The following TRIM7 variants were observed in gnomAD, a reference collection of about 807,000 sequenced individuals.
TRIM7 encodes the protein E3 ubiquitin-protein ligase TRIM7.
In TRIM7, 32 loss-of-function variants were observed where a neutral mutation model predicts 37.9. That is an observed-to-expected ratio of 0.84 (90% CI 0.64 to 1.13). The LOEUF (loss-of-function observed/expected upper bound fraction) is 1.13. TRIM7 is among the 50% of genes most tolerant of loss of function. TRIM7 has a pLI of 0.00. For synonymous variants in TRIM7, 351 were observed against 321.3 expected (o/e 1.09, Z -0.99); for missense variants, 732 against 714.0 (o/e 1.03, Z -0.29).
chr5:181,199,234 G>A (rs974480172), intron 3 of TRIM7, 117 bp from the exon 4 acceptor site: 19 of 1,216,890 alleles, frequency 1.6e-5, no homozygotes, highest in Middle Eastern at 1.9e-4. Context: ...AGTGTGCCAC[G>A]CCTCACTGCC....
chr5:181,195,609 G>C lies in TRIM7; in HGVS notation c.1093C>G (p.Arg365Gly). 1 of 1,582,556 alleles carries C rather than the reference G, an allele frequency of 6.3e-7. No homozygotes were observed. ...AGGTCCTGGGCCCGCTCGCCGAGGC[G>C]CACGCCCTTAAGATCCAGAGAGAGG... ...LILSLDLKGV[R>G]LGERAQDLPN... Residue 365 changes from arginine (R) to glycine (G), a missense_variant, in exon 7 of 7, where the codon CGC becomes GGC. Coordinates refer to ENST00000274773, the MANE Select transcript of TRIM7 (RefSeq NM_203293.3).
Position 181,195,645 on chromosome 5 carries a change from G to T in TRIM7, c.1057C>A (p.Pro353Thr). 3 of 1,533,788 alleles carry T rather than the reference G, an allele frequency of 2.0e-6. No individual in the cohort carries two copies. The highest frequency in any genetic ancestry group is 2.6e-6 in the Non-Finnish European group (3 of 1,137,562). The change falls in exon 7 of 7, where the codon CCG (proline) becomes ACG (threonine). Residue 353 changes from proline to threonine, a missense_variant. Physicochemically the swap from Pro to Thr is conservative, Grantham distance 38. Transcript: ENST00000274773. ...AGATCCAGAGAGAGGATGAGGCGCG[G>T]GTTGGCCGTGTCGGGATCCAAGGTG... ...ELTLDPDTAN[P>T]RLILSLDLKG...
chr5:181,198,805 C>A lies in TRIM7; in HGVS notation c.873G>T (p.Arg291Ser), dbSNP rs749941645. Residue 291 changes from arginine (R) to serine (S), a missense_variant and splice_region_variant, in exon 5 of 7, where the codon AGG becomes AGT. Transcript: ENST00000274773. Reference sequence around the variant, plus strand: ...GCTTGGGGCCAGGCACATTGCTACACCTGCAGGACAAGGGCTCTGAGAAGG... The same window carrying A: ...GCTTGGGGCCAGGCACATTGCTACAACTGCAGGACAAGGGCTCTGAGAAGG... Reference protein sequence around the residue: ...FLQEFKSTLSRCSNVPGPKPT... With the variant: ...FLQEFKSTLSSCSNVPGPKPT... 16 of 1,609,348 alleles carry A rather than the reference C, an allele frequency of 9.9e-6. No individual in the cohort carries two copies. In the Admixed American group the frequency reaches 2.5e-4, roughly 25 times the overall value.
chr5:181,198,340 G>T, intron 5 of TRIM7, 122 bp from the exon 6 acceptor site: 1 of 1,051,082 alleles, frequency 9.5e-7, no homozygotes, highest in South Asian at 1.4e-5. Context: ...GGCCAAGAGT[G>T]AACGTGCAGG....
In TRIM7 at chr5:181,200,028, C is replaced by T. The variant is rs775701997; in HGVS notation, c.672G>A (p.Arg224=). The change falls in exon 3 of 7, where the codon AGG becomes AGA. Residue 224 remains arginine (R), a synonymous_variant. Transcript: ENST00000274773. ...EKVGAEFQAL[R]AFLVEQEGRL... is the part of the protein sequence containing the mutation. ...GACCCTCCTGCTCCACCAGGAAAGC[C>T]CTCAGTGCCTGGAACTCTGCCCCCA... is the stretch of plus-strand genomic sequence containing the variant. 4 of 1,614,262 alleles carry T rather than the reference C, an allele frequency of 2.5e-6. No individual in the cohort carries two copies. In the South Asian group the frequency reaches 4.4e-5, roughly 18 times the overall value.
In TRIM7 at chr5:181,203,575, G is replaced by C. The variant is rs376477185; in HGVS notation, c.588C>G (p.Ser196=). The change falls in exon 2 of 7, where the codon TCC becomes TCG. Residue 196 remains serine (S), a synonymous_variant. Transcript: ENST00000274773. ...GCTCCTTGCTCTCCTTCTTTTCCGT[G>C]GACCGGAACACCTCACAGTCCTCCA... ...KELEDCEVFR[S]TEKKESKELL... is the part of the protein sequence containing the mutation. The C allele has an allele frequency of 5.0e-6, 8 of 1,613,948 alleles. No homozygotes were observed. In the African/African-American group the frequency reaches 9.3e-5, roughly 19 times the overall value.
chr5:181,202,387 C>T (rs1757543857), intron 2 of TRIM7: 1 of 151,892 alleles, frequency 6.6e-6, no homozygotes, highest in East Asian at 1.9e-4. Flanking sequence ...CCATGTTGGT[C>T]AGGCTGGTCT....
chr5:181,204,473 AG>A lies in TRIM7; in HGVS notation c.522+115del, dbSNP rs1757697920. The A allele has an allele frequency of 4.2e-6, 5 of 1,192,238 alleles. No homozygotes were observed. In the South Asian group the frequency reaches 1.2e-4, roughly 30 times the overall value. 73.9% of individuals were successfully genotyped at this position (1,192,238 alleles called of 1,614,324 possible). On this transcript the variant is annotated intron_variant, in intron 1 of 6. Coordinates refer to ENST00000274773, the MANE Select transcript of TRIM7 (RefSeq NM_203293.3). Reference sequence around the variant, plus strand: ...GCTTCCTGGAATGGAGAAAGAAGGGAGGGGCTCACCCGGGCCTCCTGATCGA... The same window carrying A: ...GCTTCCTGGAATGGAGAAAGAAGGGAGGGCTCACCCGGGCCTCCTGATCGA...
chr5:181,204,370 C>A, intron 1 of TRIM7: 1 of 1,222,954 alleles, frequency 8.2e-7, no homozygotes, highest in Non-Finnish European at 1.0e-6. Context: ...CAGAGGGAAA[C>A]GCAGTGGGGG....
rs1334651364 is a variant in TRIM7 at position 181,204,690 on chromosome 5, A to G, written c.421T>C (p.Cys141Arg). The G allele has an allele frequency of 6.6e-7, 1 of 1,507,926 alleles. No individual in the cohort carries two copies. The highest frequency in any genetic ancestry group is 8.8e-7 in the Non-Finnish European group (1 of 1,138,916). The allele number at this position is 1,507,926 out of a possible 1,614,324, so 93.4% of individuals were successfully genotyped here. A position where few individuals can be genotyped will look rare whatever the true frequency, so the allele number is the denominator to read the frequency against. The change falls in exon 1 of 7, where the codon TGC (cysteine) becomes CGC (arginine). Residue 141 changes from cysteine (C) to arginine (R), a missense_variant. By Grantham distance (180) the Cys-to-Arg change is radical. Transcript: ENST00000274773. ...CAGATGGCGCGTCCGTCGTCCTGGC[A>G]GTAGAGCTTGAAGGGTTCGCCATGC... ...GQHGEPFKLY[C>R]QDDGRAICVV...
At position 181,200,088 on chromosome 5, in the gene TRIM7, C is replaced by T. The variant is rs1561648639; in HGVS notation, c.619-7G>A. The stretch of plus-strand genomic sequence containing the variant: ...GCTCCGCTGCCATCTGTTTCTGTCC[C>T]AGGAGGAGAAGTTGGAGAGGGACTT... On this transcript the variant is annotated splice_polypyrimidine_tract_variant and splice_region_variant and intron_variant, in intron 2 of 6. Coordinates refer to ENST00000274773, the MANE Select transcript of TRIM7 (RefSeq NM_203293.3). The T allele has an allele frequency of 6.2e-7, 1 of 1,614,264 alleles. No homozygotes were observed. The highest frequency in any genetic ancestry group is 2.2e-5 in the East Asian group (1 of 44,890).
At chr5:181,200,729 C>T (rs181129342) in intron 2 of TRIM7, 9 of 987,886 alleles carry the variant, frequency 9.1e-6, no homozygotes, top group Middle Eastern at 5.2e-4. Flanking sequence ...ATTTTTTACT[C>T]GAGTTTTCAG....
At chr5:181,199,477 C>T (rs1757341605) in intron 3 of TRIM7, 2 of 481,732 alleles carry the variant, frequency 4.2e-6, no homozygotes, top group Non-Finnish European at 7.4e-6. Flanking sequence ...GCTCACTCAG[C>T]CCCATAATGA....
intron 1 of TRIM7, chr5:181,203,918 C>T (rs1408983680): frequency 2.2e-5 from 26 of 1,181,224 alleles, no homozygotes; most frequent in African/African-American, 3.1e-5. Context: ...GCCCCCCCAC[C>T]AGGAAGCCCC....
At position 181,195,274 on chromosome 5, in the gene TRIM7, A is replaced by G. The variant is rs756649947; in HGVS notation, c.1428T>C (p.Ala476=). 7 of 1,609,442 alleles carry G rather than the reference A, an allele frequency of 4.3e-6. No individual in the cohort carries two copies. Among genetic ancestry groups the G allele is most frequent in the African/African-American group, 1.3e-5 (1 of 74,930 alleles). The change falls in exon 7 of 7, where the codon GCT becomes GCC. Residue 476 remains alanine, a synonymous_variant. Coordinates refer to ENST00000274773, the MANE Select transcript of TRIM7 (RefSeq NM_203293.3). Reference sequence around the variant, plus strand: ...TGTAGAGGTGGCGCATGTCCTCCACAGCGTAGAAGGACACGGCTCCCACCT... The same window carrying G: ...TGTAGAGGTGGCGCATGTCCTCCACGGCGTAGAAGGACACGGCTCCCACCT... ...DLEVGAVSFY[A]VEDMRHLYTF... is the part of the protein sequence containing the mutation.
rs776297811 is a variant in TRIM7, at chr5:181,198,799, G to C, written c.879C>G (p.Ser293Arg). ...QEFKSTLSRC[S>R]NVPGPKPTTV... ...TGGTTGGCTTGGGGCCAGGCACATTGCTACACCTGCAGGACAAGGGCTCTG... is the reference window on the plus strand; with the variant it reads ...TGGTTGGCTTGGGGCCAGGCACATTCCTACACCTGCAGGACAAGGGCTCTG... The change falls in exon 5 of 7, where the codon AGC (serine) becomes AGG (arginine). Residue 293 changes from serine to arginine, a missense_variant. By Grantham distance (110) the Ser-to-Arg change is moderately radical. Transcript: ENST00000274773. The C allele has an allele frequency of 6.2e-7, 1 of 1,611,380 alleles. No homozygotes were observed. Among genetic ancestry groups the C allele is most frequent in the Non-Finnish European group, 8.5e-7 (1 of 1,177,996 alleles).
intron 3 of TRIM7, 48 bp downstream of exon 3, chr5:181,199,803 T>G: frequency 1.9e-6 from 3 of 1,561,580 alleles, no homozygotes; most frequent in Non-Finnish European, 2.6e-6. Flanking sequence ...CTGCTGGTCC[T>G]GATGCCTTAG....
In TRIM7 at chr5:181,204,768, C is replaced by A; in HGVS notation, c.343G>T (p.Glu115Ter). ...RFSLPAAAPG[E>*]HGSQAAAARA... ...GCCGCGGCCGCCTGAGACCCGTGCT[C>A]TCCCGGGGCAGCCGCGGGCAGGCTG... The change falls in exon 1 of 7, where the codon GAG becomes TAG. Residue 115 changes from glutamate (E) to a stop codon, truncating the protein, a stop_gained. Coordinates refer to ENST00000274773, the MANE Select transcript of TRIM7 (RefSeq NM_203293.3). LOFTEE classifies it high-confidence loss of function. The A allele has an allele frequency of 6.9e-7, 1 of 1,439,560 alleles. No homozygotes were observed. The highest frequency in any genetic ancestry group is 9.0e-7 in the Non-Finnish European group (1 of 1,105,816). The allele number at this position is 1,439,560 out of a possible 1,614,324, so 89.2% of individuals were successfully genotyped here.
intron 5 of TRIM7, 139 bp from the exon 6 acceptor site, chr5:181,198,357 G>T: frequency 2.2e-6 from 2 of 915,034 alleles, no homozygotes. Flanking sequence ...CAGGCACAGG[G>T]CCAAGCATGG....
Sources: gnomAD v4.1 joint callset for allele counts on GRCh38, gnomAD v4.1.1 for gene constraint, MANE v1.5 for transcripts, NCBI Gene and HGNC (gene_info 2026-07-23, HGNC 2026-07-21) for gene names.